The following MET variants were observed in gnomAD, a reference collection of about 807,000 sequenced individuals.
MET encodes MET proto-oncogene, receptor tyrosine kinase, also known as hepatocyte growth factor receptor.
In MET, 48 loss-of-function variants were observed where a neutral mutation model predicts 133.1. The ratio of observed to expected loss-of-function variants is 0.36; its 90% CI spans 0.29 to 0.46. MET has a LOEUF of 0.46. Ranked by LOEUF, MET falls within the 20% of genes least tolerant of loss-of-function variation. The pLI is 1.00. For missense variants in MET, 1,442 were observed against 1,695.9 expected (o/e 0.85, Z 2.63); for synonymous variants, 628 against 616.5 (o/e 1.02, Z -0.28).
rs2116923456 is a variant in MET at position 116,757,666 on chromosome 7, A to T, written c.1994A>T (p.Lys665Ile). ...VDPVITSISP[K>I]YGPMAGGTLL... ...CCTGTAATAACAAGTATTTCGCCGA[A>T]ATACGGTCCTATGGCTGGTGGCACT... Residue 665 changes from lysine (K) to isoleucine (I), a missense_variant, in exon 8 of 21, where the codon AAA (lysine) becomes ATA (isoleucine). Physicochemically the swap from Lys to Ile is moderately radical, Grantham distance 102 (BLOSUM62 -3). Around this residue, in one of 6 missense-constraint regions of MET, gnomAD observed 514 missense variants for 659.6 expected, o/e 0.78. Coordinates refer to ENST00000397752, the MANE Select transcript of MET (RefSeq NM_000245.4). 6.2e-7 allele frequency: 1 copy of T among 1,614,048 alleles called. No individual in the cohort carries two copies. The highest frequency in any genetic ancestry group is 8.5e-7 in the Non-Finnish European group (1 of 1,179,990).
intron 11 of MET, among the ~76,000 whole-genome samples, chr7:116,768,092 G>T: frequency 6.7e-6 from 1 of 148,496 alleles, no homozygotes. Context: ...TGTGTCCTTT[G>T]GTATCTACAT....
intron 19 of MET, among the ~76,000 whole-genome samples, chr7:116,788,603 C>T (rs1433409607): frequency 6.6e-6 from 1 of 152,184 alleles, no homozygotes; most frequent in Non-Finnish European, 1.5e-5. Flanking sequence ...TTCTCACTCT[C>T]ATCGAAAGAC....
intron 10 of MET, among the ~76,000 whole-genome samples, chr7:116,762,723 T>G (rs931015077): frequency 3.9e-5 from 6 of 152,140 alleles, no homozygotes; most frequent in African/African-American, 9.7e-5. Flanking sequence ...TCTGCCTGAC[T>G]GCCTCACACA....
intron 18 of MET, 105 bp from the exon 19 acceptor site, chr7:116,783,196 AGTT>A: frequency 7.8e-7 from 1 of 1,274,382 alleles, no homozygotes; most frequent in Non-Finnish European, 1.1e-6. Context: ...TTCCTTCAGA[AGTT>A]ATGGATTTCA....
chr7:116,791,402 T>A (rs140027773), intron 19 of MET, among the ~76,000 whole-genome samples: 112 of 152,306 alleles, frequency 7.4e-4, no homozygotes, highest in Middle Eastern at 6.8e-3. Flanking sequence ...TCTAATTGGT[T>A]GTAGTGCTGT....
intron 1 of MET, among the ~76,000 whole-genome samples, chr7:116,697,106 T>G (rs969032915): frequency 5.3e-5 from 8 of 152,206 alleles, no homozygotes; most frequent in African/African-American, 1.9e-4. Context: ...AAAACCAATC[T>G]ACCATTCCCA....
chr7:116,786,770 C>T (rs958928340), intron 19 of MET, among the ~76,000 whole-genome samples: 2 of 152,140 alleles, frequency 1.3e-5, no homozygotes, highest in African/African-American at 4.8e-5. Context: ...AATGTGCAAA[C>T]AAAGTAGTCA....
Position 116,757,780 on chromosome 7 carries a change from G to A in MET, c.2102+6G>A, listed in dbSNP as rs757561412. On this transcript the variant is annotated splice_donor_region_variant and intron_variant, in intron 8 of 20. Transcript: ENST00000397752. ...AAAACATGTACTTTAAAAAGGTGTT[G>A]TAAATTTATTTTTTGTTGCATCTGT... 6.2e-6 allele frequency: 10 copies of A among 1,613,450 alleles called. No homozygotes were observed. In the South Asian group the frequency reaches 9.9e-5, roughly 16 times the overall value.
At chr7:116,773,071 G>A (rs1363407857) in intron 14 of MET, among the ~76,000 whole-genome samples, 1 of 150,354 alleles carries the variant, frequency 6.7e-6, no homozygotes, top group Admixed American at 6.6e-5. Flanking sequence ...AATTTTCTTT[G>A]AAAAAAAAAC....
chr7:116,687,120 CCTCTCTT>C (rs1796590462), intron 1 of MET, among the ~76,000 whole-genome samples: 1 of 152,172 alleles, frequency 6.6e-6, no homozygotes. Context: ...AATTTCTTGC[CCTCTCTT>C]CTCTCTTCTA....
intron 19 of MET, among the ~76,000 whole-genome samples, chr7:116,788,288 A>T (rs1356282089): frequency 2.0e-5 from 3 of 152,354 alleles, no homozygotes; most frequent in Admixed American, 1.3e-4. Flanking sequence ...TTTACTAAAC[A>T]TCATTTAATC....
At chr7:116,784,737 C>T (rs1003438588) in intron 19 of MET, among the ~76,000 whole-genome samples, 1 of 152,092 alleles carries the variant, frequency 6.6e-6, no homozygotes, top group African/African-American at 2.4e-5. Context: ...TCATTCCGCC[C>T]TAGTTCCTCC....
At chr7:116,754,283 T>C (rs951664973) in intron 5 of MET, among the ~76,000 whole-genome samples, 8 of 152,212 alleles carry the variant, frequency 5.3e-5, no homozygotes, top group Non-Finnish European at 2.9e-5. Flanking sequence ...ATTTTTACTG[T>C]GCAACTTTTG....
At chr7:116,786,370 C>T (rs1186419363) in intron 19 of MET, among the ~76,000 whole-genome samples, 1 of 152,100 alleles carries the variant, frequency 6.6e-6, no homozygotes, top group South Asian at 2.1e-4. Flanking sequence ...TAGCAGGGGT[C>T]AAGGCTGGGA....
intron 16 of MET, among the ~76,000 whole-genome samples, chr7:116,778,202 T>C (rs981914762): frequency 9.9e-5 from 15 of 152,230 alleles, no homozygotes; most frequent in Non-Finnish European, 2.1e-4. Flanking sequence ...ACATACATAG[T>C]GTTCCTGGCT....
chr7:116,756,539 C>G (rs1049149315), intron 6 of MET, among the ~76,000 whole-genome samples: 14 of 152,132 alleles, frequency 9.2e-5, no homozygotes, highest in Admixed American at 1.3e-4. Context: ...GCATATAAAT[C>G]AGGACCTGTA....
intron 2 of MET, among the ~76,000 whole-genome samples, chr7:116,706,083 T>TA (rs893093238): frequency 1.2e-4 from 18 of 152,144 alleles, no homozygotes; most frequent in African/African-American, 4.3e-4. Context: ...GATGTTTTTA[T>TA]AACCTAATAG....
chr7:116,727,959 G>A (rs1792856699), intron 2 of MET, among the ~76,000 whole-genome samples: 2 of 152,144 alleles, frequency 1.3e-5, no homozygotes, highest in Non-Finnish European at 2.9e-5. Context: ...TACTGTTAGG[G>A]CTCAAAGACA....
intron 5 of MET, among the ~76,000 whole-genome samples, chr7:116,748,017 G>A (rs530239180): frequency 2.6e-5 from 4 of 152,202 alleles, no homozygotes; most frequent in Admixed American, 2.0e-4. Context: ...AGGCTGAGGC[G>A]GGCGGATCAC....
Sources: gnomAD v4.1 joint callset for allele counts (sites outside exome capture counted in the v4.1 genomes callset) on GRCh38, gnomAD v4.1.1 for gene constraint, gnomAD v4.1.1 regional missense constraint, MANE v1.5 for transcripts, NCBI Gene and HGNC (gene_info 2026-07-23, HGNC 2026-07-21) for gene names.